DOCK10: variants seen among roughly 807,000 people sequenced by gnomAD.
DOCK10 encodes the protein dedicator of cytokinesis 10.
Under a neutral mutation model 280.1 loss-of-function variants are expected in DOCK10, and 145 were observed. The ratio of observed to expected loss-of-function variants is 0.52; its 90% CI spans 0.45 to 0.59. The LOEUF is 0.59. DOCK10 is among the 20% of genes least tolerant of loss of function. DOCK10 has a pLI of 0.00. For synonymous variants in DOCK10, 915 were observed against 942.2 expected, an observed-to-expected ratio of 0.97 and a Z score of 0.53; for missense variants, 2,368 against 2,651.7, an observed-to-expected ratio of 0.89 and a Z score of 2.35.
At chr2:224,812,516 G>A (rs1470218790) in intron 31 of DOCK10, among the ~76,000 whole-genome samples, 2 of 152,100 alleles carry the variant, frequency 1.3e-5, no homozygotes, top group Non-Finnish European at 2.9e-5. Flanking sequence ...AGAACTTCCA[G>A]CACTATGTTG....
intron 2 of DOCK10, among the ~76,000 whole-genome samples, chr2:224,929,637 A>G (rs1437589405): frequency 6.6e-6 from 1 of 152,222 alleles, no homozygotes; most frequent in Admixed American, 6.5e-5. Flanking sequence ...CAGTGTATTT[A>G]TTGGAATGTT....
At chr2:224,936,633 T>C (rs1383504325) in intron 1 of DOCK10, among the ~76,000 whole-genome samples, 3 of 152,156 alleles carry the variant, frequency 2.0e-5, no homozygotes, top group Admixed American at 6.6e-5. Context: ...GTATTTATTG[T>C]TCAATAAAGT....
chr2:224,852,409 T>G lies in DOCK10; in HGVS notation c.2110A>C (p.Asn704His). The part of the protein sequence containing the change: ...RNITVCIEFK[N>H]SDEESAKPLK... The stretch of plus-strand genomic sequence containing the variant: ...GGCTTGGCACTTTCTTCATCTGAAT[T>G]TTTGAATTCAATGCACACAGTTATA... The change falls in exon 18 of 56, where the codon AAT becomes CAT. Residue 704 changes from asparagine (N) to histidine (H), a missense_variant. Coordinates refer to ENST00000258390, the MANE Select transcript of DOCK10 (RefSeq NM_014689.3). The G allele has an allele frequency of 6.4e-7, 1 of 1,572,090 alleles. No individual in the cohort carries two copies. Among genetic ancestry groups the G allele is most frequent in the Non-Finnish European group, 8.6e-7 (1 of 1,157,510 alleles).
intron 40 of DOCK10, among the ~76,000 whole-genome samples, chr2:224,801,091 G>A (rs1038738459): frequency 2.0e-5 from 3 of 152,072 alleles, no homozygotes; most frequent in African/African-American, 7.2e-5. Flanking sequence ...TTATGTAGAT[G>A]AAGCCTCCAG....
chr2:224,879,382 G>T lies in DOCK10; in HGVS notation c.748-3161C>A, dbSNP rs192490179. 1.7e-4 allele frequency among the ~76,000 whole-genome samples: 26 copies of T among 152,292 alleles called. 1 individual carries two copies. In the East Asian group the frequency reaches 2.1e-3, roughly 12 times the overall value. On this transcript the variant is annotated intron_variant, in intron 7 of 55. Transcript: ENST00000258390. ...ATGGACAGTCTAAGGGCAAAGACAA[G>T]ATGGCTGCAGAGCAGGTATAAAAGG...
chr2:225,036,987 C>T (rs1194738702), intron 1 of DOCK10, among the ~76,000 whole-genome samples: 1 of 151,564 alleles, frequency 6.6e-6, no homozygotes, highest in East Asian at 1.9e-4. Flanking sequence ...TTGTAAGATA[C>T]TTAGGATCCC....
intron 14 of DOCK10, chr2:224,860,464 G>T (rs1697427250): frequency 1.3e-5 from 2 of 151,996 alleles, no homozygotes; most frequent in East Asian, 1.9e-4. Context: ...CAGTAAATTA[G>T]ATATTCTTAT....
At chr2:224,948,277 T>C (rs530078753) in intron 1 of DOCK10, among the ~76,000 whole-genome samples, 11 of 152,346 alleles carry the variant, frequency 7.2e-5, no homozygotes, top group African/African-American at 2.4e-4. Context: ...GAGAAGACCT[T>C]CTTTTGAAAC....
chr2:225,040,513 CGTGTGTGTGT>C lies in DOCK10; in HGVS notation c.123+1729_123+1738del, dbSNP rs34574873. ...TGACATAATTTTGGAGAAAGCAGTG[CGTGTGTGTGT>C]GTGTGTGTGTGTGTGTGTGTGTGGT... On this transcript the variant is annotated intron_variant, in intron 1 of 55. Transcript: ENST00000258390. Among the ~76,000 whole-genome samples the C allele has an allele frequency of 2.0e-3, 298 of 147,474 alleles. 1 individual carries two copies. Among genetic ancestry groups the C allele is most frequent in the African/African-American group, 7.1e-3 (285 of 39,984 alleles).
At chr2:224,921,112 A>AAATATATATATATATAT in intron 2 of DOCK10, among the ~76,000 whole-genome samples, 1 of 54,416 alleles carries the variant, frequency 1.8e-5, no homozygotes, top group Non-Finnish European at 3.0e-5. Context: ...AAAAAAAAAA[A>AAATATATATATATATAT]ATATATATAT....
At chr2:224,793,114 T>A (rs1352555140) in intron 46 of DOCK10, 42 bp from the exon 47 acceptor site, 1 of 1,391,518 alleles carries the variant, frequency 7.2e-7, no homozygotes, top group Non-Finnish European at 1.0e-6. Context: ...GCTACATGTT[T>A]ATGTTAATAC....
chr2:225,007,497 A>C (rs1575161980), intron 1 of DOCK10, among the ~76,000 whole-genome samples: 1 of 152,360 alleles, frequency 6.6e-6, no homozygotes. Context: ...GATTAAAAGA[A>C]GATCCTGATT....
chr2:224,900,865 A>T (rs1700258779), intron 3 of DOCK10, among the ~76,000 whole-genome samples: 1 of 152,236 alleles, frequency 6.6e-6, no homozygotes, highest in African/African-American at 2.4e-5. Context: ...CTTGATTATT[A>T]AAAATGAAGT....
chr2:224,966,811 G>A (rs1704771381), intron 1 of DOCK10, among the ~76,000 whole-genome samples: 2 of 152,018 alleles, frequency 1.3e-5, no homozygotes, highest in Admixed American at 6.6e-5. Context: ...TATTGAGGCT[G>A]TGAACAAATA....
At chr2:224,861,201 G>A (rs1697475441) in intron 14 of DOCK10, 1 of 152,168 alleles carries the variant, frequency 6.6e-6, no homozygotes, top group Non-Finnish European at 1.5e-5. Context: ...CATGCAGAAT[G>A]TCCTGGCATT....
intron 1 of DOCK10, among the ~76,000 whole-genome samples, chr2:224,943,337 A>G (rs1203700609): frequency 6.9e-6 from 1 of 144,616 alleles, no homozygotes; most frequent in Non-Finnish European, 1.6e-5. Context: ...TACAGCTTCA[A>G]ATAGCATTTG....
intron 1 of DOCK10, among the ~76,000 whole-genome samples, chr2:224,987,116 T>C (rs947795517): frequency 1.3e-5 from 2 of 152,156 alleles, no homozygotes; most frequent in South Asian, 4.1e-4. Context: ...TTTTTTTAGC[T>C]ATCTCTTTCC....
intron 1 of DOCK10, among the ~76,000 whole-genome samples, chr2:225,012,255 C>T (rs560025296): frequency 6.6e-6 from 1 of 152,104 alleles, no homozygotes; most frequent in Non-Finnish European, 1.5e-5. Context: ...CTGCTCTGGA[C>T]CAGACTGAAA....
chr2:224,826,969 GA>G (rs201109376), intron 27 of DOCK10, among the ~76,000 whole-genome samples: 19 of 147,052 alleles, frequency 1.3e-4, no homozygotes, highest in African/African-American at 4.0e-4. Flanking sequence ...GTATCAAGGG[GA>G]AAAAAAAATG....
Sources: allele counts gnomAD v4.1 joint callset (sites outside exome capture counted in the v4.1 genomes callset), GRCh38; gene constraint gnomAD v4.1.1; transcripts MANE v1.5; gene names NCBI Gene and HGNC (gene_info 2026-07-23, HGNC 2026-07-21).